Variants in MAGI1 observed in about 807,000 individuals in gnomAD.
The protein encoded by MAGI1 is membrane-associated guanylate kinase, WW and PDZ domain-containing protein 1.
A neutral mutation model predicts 139.9 loss-of-function variants in MAGI1; 58 were observed. The ratio of observed to expected loss-of-function variants is 0.41; its 90% CI spans 0.34 to 0.52. The LOEUF (loss-of-function observed/expected upper bound fraction) is 0.52. Ranked by LOEUF, MAGI1 falls within the 20% of genes least tolerant of loss-of-function variation. The pLI is 0.12. For missense variants in MAGI1, 1,874 were observed against 1,901.6 expected (o/e 0.99, Z 0.27); for synonymous variants, 812 against 737.9 (o/e 1.10, Z -1.63).
chr3:65,953,759 A>C lies in MAGI1; in HGVS notation c.313+84237T>G, dbSNP rs1018478102. ...CACAGAAACAGTGTAGCTTGCTGCC[A>C]CTCTGTAGCACCGAAAGTAAAATGC... is the stretch of plus-strand genomic sequence containing the variant. On this transcript the variant is annotated intron_variant, in intron 1 of 22. Coordinates refer to ENST00000402939, the MANE Select transcript of MAGI1 (RefSeq NM_001033057.2). 2.0e-5 allele frequency among the ~76,000 whole-genome samples: 3 copies of C among 152,132 alleles called. No individual in the cohort carries two copies. In the South Asian group the frequency reaches 6.2e-4, roughly 32 times the overall value.
chr3:65,421,702 A>G (rs187010366), intron 12 of MAGI1, among the ~76,000 whole-genome samples: 1 of 152,332 alleles, frequency 6.6e-6, no homozygotes, highest in African/African-American at 2.4e-5. Flanking sequence ...TCAGTCTAGT[A>G]TAAAAGCTGA....
chr3:65,789,403 T>C (rs996576276), intron 1 of MAGI1, among the ~76,000 whole-genome samples: 3 of 152,098 alleles, frequency 2.0e-5, no homozygotes, highest in African/African-American at 7.2e-5. Flanking sequence ...GCCAAGAGAA[T>C]GGCATAGACC....
chr3:65,528,772 G>A (rs1357831), intron 2 of MAGI1, among the ~76,000 whole-genome samples: 39,093 of 152,146 alleles, frequency 0.26, 5,380 homozygotes, highest in African/African-American at 0.31. Context: ...GGAGTCAGGC[G>A]TAGTGGCTCA....
chr3:65,484,674 C>G (rs967967903), intron 3 of MAGI1, among the ~76,000 whole-genome samples: 1 of 152,046 alleles, frequency 6.6e-6, no homozygotes, highest in African/African-American at 2.4e-5. Flanking sequence ...CACTGGTTGC[C>G]TTTCAGCCCC....
intron 2 of MAGI1, among the ~76,000 whole-genome samples, chr3:65,578,642 G>A (rs531490292): frequency 1.1e-4 from 17 of 152,274 alleles, no homozygotes; most frequent in South Asian, 4.1e-4. Context: ...TATTCAGGCC[G>A]GATGCCATGG....
At chr3:65,514,477 C>A (rs1192486061) in intron 2 of MAGI1, among the ~76,000 whole-genome samples, 2 of 149,768 alleles carry the variant, frequency 1.3e-5, no homozygotes, top group Non-Finnish European at 2.9e-5. Context: ...AAACAAACAA[C>A]CCCATCAAAA....
Position 65,470,266 on chromosome 3 carries a change from A to C in MAGI1, c.959+17T>G. On this transcript the variant is annotated intron_variant, in intron 5 of 22. Coordinates refer to ENST00000402939, the MANE Select transcript of MAGI1 (RefSeq NM_001033057.2). ...GAAAGAGAGAGAGATTTAGGTAGAA[A>C]TAATGGTATACTTTACTCTATAAAA... 1 of 1,542,138 alleles carries C rather than the reference A, an allele frequency of 6.5e-7. No individual in the cohort carries two copies. The highest frequency in any genetic ancestry group is 1.4e-5 in the African/African-American group (1 of 73,482).
At chr3:65,372,289 G>A (rs893265923) in intron 18 of MAGI1, among the ~76,000 whole-genome samples, 1 of 152,158 alleles carries the variant, frequency 6.6e-6, no homozygotes, top group Non-Finnish European at 1.5e-5. Context: ...GAACTCTTGG[G>A]TGACCAGGTG....
intron 2 of MAGI1, among the ~76,000 whole-genome samples, chr3:65,558,066 A>T (rs1455446080): frequency 6.6e-6 from 1 of 152,094 alleles, no homozygotes; most frequent in African/African-American, 2.4e-5. Flanking sequence ...CTCTACTGTC[A>T]CTGTCTTACA....
At chr3:65,984,023 T>C (rs1298446119) in intron 1 of MAGI1, among the ~76,000 whole-genome samples, 1 of 152,186 alleles carries the variant, frequency 6.6e-6, no homozygotes, top group Non-Finnish European at 1.5e-5. Context: ...CCGGGCACAA[T>C]GGCTCATGCC....
intron 5 of MAGI1, among the ~76,000 whole-genome samples, chr3:65,464,459 T>C (rs1950040681): frequency 1.3e-5 from 2 of 152,160 alleles, no homozygotes; most frequent in Non-Finnish European, 2.9e-5. Context: ...CAGTTCAATT[T>C]ATTTGCTTAT....
intron 1 of MAGI1, among the ~76,000 whole-genome samples, chr3:65,935,894 T>C (rs1176234846): frequency 6.6e-6 from 1 of 152,184 alleles, no homozygotes; most frequent in Non-Finnish European, 1.5e-5. Flanking sequence ...GCCAGAGACA[T>C]GTGAAGGAAG....
intron 1 of MAGI1, among the ~76,000 whole-genome samples, chr3:65,750,525 G>T (rs1475455458): frequency 6.6e-6 from 1 of 152,124 alleles, no homozygotes; most frequent in East Asian, 1.9e-4. Flanking sequence ...ACAAATACTG[G>T]TTCACACACA....
intron 1 of MAGI1, among the ~76,000 whole-genome samples, chr3:65,855,446 A>C (rs1034558282): frequency 1.3e-5 from 2 of 148,268 alleles, no homozygotes; most frequent in African/African-American, 5.0e-5. Context: ...AAATAAAATA[A>C]AATAAAATGG....
At chr3:65,662,273 A>C (rs2086242285) in intron 1 of MAGI1, among the ~76,000 whole-genome samples, 1 of 152,238 alleles carries the variant, frequency 6.6e-6, no homozygotes, top group African/African-American at 2.4e-5. Context: ...TTTACATATG[A>C]CATTCAAATG....
intron 12 of MAGI1, among the ~76,000 whole-genome samples, chr3:65,410,219 G>GA (rs1169175656): frequency 6.6e-6 from 1 of 152,200 alleles, no homozygotes; most frequent in Non-Finnish European, 1.5e-5. Flanking sequence ...TGCTACTCTT[G>GA]AAAACATGTG....
Position 65,391,326 on chromosome 3 carries a change from A to C in MAGI1, c.2232T>G (p.Ser744Arg), listed in dbSNP as rs1490607210. Residue 744 changes from serine (S) to arginine (R), a missense_variant, in exon 14 of 23, where the codon AGT (serine) becomes AGG (arginine). This residue lies in a region of MAGI1 where 482 missense variants were observed against 509.6 expected (regional missense o/e 0.95). Coordinates refer to ENST00000402939, the MANE Select transcript of MAGI1 (RefSeq NM_001033057.2). ...QPLERKDSQN[S>R]SQHSVSSHRS... ...GGTGGCTGGAAACACTGTGCTGAGA[A>C]CTATTCTGGCTGTCTTTCCTTTCCA... The C allele has an allele frequency of 1.2e-6, 2 of 1,614,164 alleles. No homozygotes were observed. Among genetic ancestry groups the C allele is most frequent in the Admixed American group, 3.3e-5 (2 of 60,020 alleles).
intron 1 of MAGI1, among the ~76,000 whole-genome samples, chr3:65,630,993 T>C (rs1489376004): frequency 6.6e-6 from 1 of 152,224 alleles, no homozygotes; most frequent in African/African-American, 2.4e-5. Flanking sequence ...GTAGAGGACG[T>C]GGTCTAAATA....
At chr3:65,728,329 G>A (rs1026244227) in intron 1 of MAGI1, among the ~76,000 whole-genome samples, 1 of 152,212 alleles carries the variant, frequency 6.6e-6, no homozygotes, top group African/African-American at 2.4e-5. Flanking sequence ...CCTAAGATGA[G>A]CTGGAGATGC....
Sources: gnomAD v4.1 joint callset for allele counts (sites outside exome capture counted in the v4.1 genomes callset) on GRCh38, gnomAD v4.1.1 for gene constraint, gnomAD v4.1.1 regional missense constraint, MANE v1.5 for transcripts, NCBI Gene and HGNC (gene_info 2026-07-23, HGNC 2026-07-21) for gene names.